The following PCDH15 variants were observed in gnomAD, a reference collection of about 807,000 sequenced individuals.
PCDH15 encodes the protein protocadherin related 15, also known as protocadherin-15.
Under a neutral mutation model 178.5 loss-of-function variants are expected in PCDH15, and 129 were observed. That is an observed-to-expected ratio of 0.72 (90% CI 0.63 to 0.84). PCDH15 has a LOEUF of 0.84. PCDH15 is among the 40% of genes least tolerant of loss of function. The probability of loss-of-function intolerance (pLI) is 0.00; values close to 1 mark genes in which losing one functional copy is unlikely to be tolerated. For synonymous variants in PCDH15, 800 were observed against 732.0 expected (o/e 1.09, Z -1.50); for missense variants, 2,230 against 2,099.9 (o/e 1.06, Z -1.21).
intron 1 of PCDH15, among the ~76,000 whole-genome samples, chr10:55,200,357 C>T (rs980002108): frequency 6.6e-6 from 1 of 152,028 alleles, no homozygotes; most frequent in Non-Finnish European, 1.5e-5. Context: ...GGGCCTGTAG[C>T]CTCTTTATTT....
intron 3 of PCDH15, among the ~76,000 whole-genome samples, chr10:54,455,922 T>G (rs1012396259): frequency 4.6e-5 from 7 of 152,172 alleles, no homozygotes; most frequent in African/African-American, 1.4e-4. Context: ...CCCCAAGCCT[T>G]GGCAGCTTAC....
chr10:54,216,926 T>C (rs1211866231), intron 9 of PCDH15, among the ~76,000 whole-genome samples: 2 of 152,172 alleles, frequency 1.3e-5, no homozygotes, highest in African/African-American at 4.8e-5. Context: ...TAGATATCTT[T>C]AGCTATTACT....
At chr10:53,899,797 A>C (rs1333196728) in intron 26 of PCDH15, among the ~76,000 whole-genome samples, 1 of 152,198 alleles carries the variant, frequency 6.6e-6, no homozygotes. Context: ...AGAACTGCTT[A>C]ACTCATGCTC....
At chr10:55,276,055 T>C (rs895860248) in intron 1 of PCDH15, among the ~76,000 whole-genome samples, 1 of 151,222 alleles carries the variant, frequency 6.6e-6, no homozygotes, top group Non-Finnish European at 1.5e-5. Flanking sequence ...TAACTTTAGC[T>C]GGTTAGAAAA....
intron 2 of PCDH15, among the ~76,000 whole-genome samples, chr10:55,463,925 GAA>G (rs200823903): frequency 0.46 from 25,312 of 54,972 alleles, 7,040 homozygotes; most frequent in East Asian, 0.69. Context: ...AAGAAAGAAA[GAA>G]AGAAAGAAAG....
chr10:54,561,134 G>A (rs933271128), intron 2 of PCDH15, among the ~76,000 whole-genome samples: 3 of 151,948 alleles, frequency 2.0e-5, no homozygotes, highest in South Asian at 2.1e-4. Flanking sequence ...ATTAAAAGAC[G>A]CTTAAACATC....
intron 23 of PCDH15, among the ~76,000 whole-genome samples, chr10:53,951,027 C>T (rs1158329609): frequency 2.0e-5 from 3 of 152,106 alleles, no homozygotes; most frequent in African/African-American, 4.8e-5. Flanking sequence ...CTAAGGGCTG[C>T]TTAAGGAGTC....
At chr10:55,484,786 A>G (rs1212484940) in intron 2 of PCDH15, among the ~76,000 whole-genome samples, 1 of 151,738 alleles carries the variant, frequency 6.6e-6, no homozygotes, top group Non-Finnish European at 1.5e-5. Context: ...CACTGGGGTA[A>G]GGGCAGTCTC....
intron 11 of PCDH15, among the ~76,000 whole-genome samples, chr10:54,191,592 T>C (rs954116308): frequency 6.6e-6 from 1 of 152,076 alleles, no homozygotes; most frequent in African/African-American, 2.4e-5. Flanking sequence ...AATTTTCTTC[T>C]CTAGAGGAAT....
chr10:55,406,947 T>A (rs1028688578), intron 2 of PCDH15, among the ~76,000 whole-genome samples: 1 of 152,144 alleles, frequency 6.6e-6, no homozygotes, highest in Admixed American at 6.5e-5. Context: ...ATTCTTTTTT[T>A]AAAAAAGGAG....
At chr10:55,504,473 T>TA (rs1209441899) in intron 2 of PCDH15, among the ~76,000 whole-genome samples, 1 of 151,354 alleles carries the variant, frequency 6.6e-6, no homozygotes, top group Non-Finnish European at 1.5e-5. Flanking sequence ...GTGTTTAAAA[T>TA]AAAAAATTCT....
chr10:55,595,999 A>G (rs952800673), intron 2 of PCDH15, among the ~76,000 whole-genome samples: 4 of 152,086 alleles, frequency 2.6e-5, no homozygotes, highest in Non-Finnish European at 5.9e-5. Flanking sequence ...TGCATAATCA[A>G]CAGACACCTA....
chr10:54,696,682 G>GAA (rs141524677), intron 1 of PCDH15, among the ~76,000 whole-genome samples: 1 of 145,004 alleles, frequency 6.9e-6, no homozygotes, highest in African/African-American at 2.5e-5. Flanking sequence ...GAAAATAAAT[G>GAA]AAAAAAAAAA....
At chr10:55,539,846 G>A (rs1223360014) in intron 2 of PCDH15, among the ~76,000 whole-genome samples, 1 of 151,992 alleles carries the variant, frequency 6.6e-6, no homozygotes, top group African/African-American at 2.4e-5. Context: ...AACATTTAGT[G>A]TCAATTACGA....
At chr10:53,808,046 C>T (rs1458983137) in intron 37 of PCDH15, 1 of 150,528 alleles carries the variant, frequency 6.6e-6, no homozygotes, top group African/African-American at 2.5e-5. Flanking sequence ...AAATTTTATG[C>T]CTGTTACATT....
chr10:55,246,221 T>C (rs543343078), intron 1 of PCDH15, among the ~76,000 whole-genome samples: 14 of 152,326 alleles, frequency 9.2e-5, no homozygotes, highest in African/African-American at 3.4e-4. Context: ...ATCAAGCTAA[T>C]TGAAGATTTT....
intron 2 of PCDH15, among the ~76,000 whole-genome samples, chr10:55,087,921 T>C (rs1489175401): frequency 6.6e-6 from 1 of 152,138 alleles, no homozygotes. Flanking sequence ...GAATAAAAGA[T>C]TTATAGATAT....
intron 3 of PCDH15, among the ~76,000 whole-genome samples, chr10:54,496,346 C>A (rs1344259117): frequency 6.6e-6 from 1 of 152,124 alleles, no homozygotes; most frequent in South Asian, 2.1e-4. Context: ...ACCACTCTTT[C>A]CTTCTTGCTG....
At chr10:54,737,617 C>T (rs1944285744) in intron 1 of PCDH15, among the ~76,000 whole-genome samples, 1 of 151,982 alleles carries the variant, frequency 6.6e-6, no homozygotes, top group Non-Finnish European at 1.5e-5. Context: ...AGCTGTGTGA[C>T]CTCTCTGGGC....
Sources: allele counts gnomAD v4.1 joint callset (sites outside exome capture counted in the v4.1 genomes callset), GRCh38; gene constraint gnomAD v4.1.1; transcripts MANE v1.5; gene names NCBI Gene and HGNC (gene_info 2026-07-23, HGNC 2026-07-21).